NYAP2: variants seen among roughly 807,000 people sequenced by gnomAD.
NYAP2 encodes the protein neuronal tyrosine-phosphorylated phosphoinositide-3-kinase adaptor 2.
NYAP2 carries 23 observed loss-of-function variants against 50.4 expected under a neutral mutation model. The observed-to-expected ratio is 0.46, with a 90% CI of 0.33 to 0.65. The LOEUF (loss-of-function observed/expected upper bound fraction) is 0.65. NYAP2 is among the 30% of genes least tolerant of loss of function. NYAP2 has a pLI of 0.02. For synonymous variants in NYAP2, 394 were observed against 365.2 expected, an observed-to-expected ratio of 1.08 and a Z score of -0.90; for missense variants, 885 against 861.0, an observed-to-expected ratio of 1.03 and a Z score of -0.35.
rs191740910 is a variant in NYAP2 at position 225,476,209 on chromosome 2, G to C, written c.222-37162G>C. On this transcript the variant is annotated intron_variant, in intron 3 of 6. Transcript: ENST00000636099. ...CGGGCGGATCACGAGGTCAGGAGAT[G>C]GAGACCATCCTGGCTAACACGATGA... 2.4e-3 allele frequency among the ~76,000 whole-genome samples: 358 copies of C among 152,074 alleles called. 2 individuals carry two copies. The highest frequency in any genetic ancestry group is 8.1e-3 in the African/African-American group (338 of 41,474).
intron 4 of NYAP2, among the ~76,000 whole-genome samples, chr2:225,529,401 A>C (rs1246895873): frequency 1.3e-5 from 2 of 151,508 alleles, no homozygotes; most frequent in African/African-American, 4.9e-5. Context: ...TCTGCTCATC[A>C]CTGCAGCCTC....
At chr2:225,482,837 G>C (rs1380466014) in intron 3 of NYAP2, among the ~76,000 whole-genome samples, 1 of 152,084 alleles carries the variant, frequency 6.6e-6, no homozygotes, top group Non-Finnish European at 1.5e-5. Context: ...CAATCTTACT[G>C]CTAATGCAAA....
At chr2:225,676,823 AG>A in the NYAP2 span, among the ~76,000 whole-genome samples, 1 of 152,162 alleles carries the variant, frequency 6.6e-6, no homozygotes, top group Non-Finnish European at 1.5e-5. Flanking sequence ...CTTATAGTAT[AG>A]TTTGAAGTCA....
At position 225,591,112 on chromosome 2, in the gene NYAP2, C is replaced by T. The variant is rs542774564; in HGVS notation, c.1618+8077C>T. Among the ~76,000 whole-genome samples the T allele has an allele frequency of 5.1e-4, 77 of 152,280 alleles. 1 individual carries two copies. The highest frequency in any genetic ancestry group is 1.7e-3 in the African/African-American group (69 of 41,552). On this transcript the variant is annotated intron_variant, in intron 5 of 6. Transcript: ENST00000636099. ...TTTGGAGGGGGAGGACTAGCCAGAG[C>T]ATGGCGGGCCCTCCAGATGGAGCTG...
At chr2:225,512,671 T>G (rs1690841755) in intron 3 of NYAP2, among the ~76,000 whole-genome samples, 1 of 151,588 alleles carries the variant, frequency 6.6e-6, no homozygotes, top group African/African-American at 2.4e-5. Flanking sequence ...CATCTTTCTT[T>G]GCTTGTCTTG....
chr2:225,657,102 C>CTTTTTTTTTTTT (rs375126014), downstream of NYAP2, among the ~76,000 whole-genome samples: 1 of 101,074 alleles, frequency 9.9e-6, no homozygotes, highest in African/African-American at 4.4e-5. Flanking sequence ...AATCTAATTC[C>CTTTTTTTTTTTT]TTTTTTTTTT....
chr2:225,523,596 T>C (rs535169639), intron 4 of NYAP2, among the ~76,000 whole-genome samples: 21 of 152,248 alleles, frequency 1.4e-4, no homozygotes, highest in East Asian at 7.7e-4. Context: ...TCCATGTTTA[T>C]GGACTAGAAG....
chr2:225,465,553 A>G (rs1689902754), intron 3 of NYAP2, among the ~76,000 whole-genome samples: 1 of 152,064 alleles, frequency 6.6e-6, no homozygotes, highest in South Asian at 2.1e-4. Context: ...CGTCTCTACT[A>G]AAAATACAAA....
chr2:225,531,806 A>G (rs908212434), intron 4 of NYAP2, among the ~76,000 whole-genome samples: 5 of 152,206 alleles, frequency 3.3e-5, no homozygotes, highest in South Asian at 4.1e-4. Flanking sequence ...TGAATGATGT[A>G]AAAGATGAGA....
At chr2:225,627,401 A>G (rs1000659463) in intron 6 of NYAP2, among the ~76,000 whole-genome samples, 2 of 152,214 alleles carry the variant, frequency 1.3e-5, no homozygotes, top group African/African-American at 4.8e-5. Flanking sequence ...TTTATACTAA[A>G]TTTCTTCAAA....
chr2:225,494,234 A>G (rs1690460950), intron 3 of NYAP2, among the ~76,000 whole-genome samples: 1 of 152,222 alleles, frequency 6.6e-6, no homozygotes, highest in Admixed American at 6.5e-5. Flanking sequence ...TCACTGAGCA[A>G]GACAAATTAC....
chr2:225,574,353 G>A (rs917007360), intron 4 of NYAP2, among the ~76,000 whole-genome samples: 7 of 152,270 alleles, frequency 4.6e-5, no homozygotes, highest in African/African-American at 1.4e-4. Flanking sequence ...CAGAAGTTCA[G>A]TTAGACTCAT....
intron 3 of NYAP2, among the ~76,000 whole-genome samples, chr2:225,505,444 T>C (rs1476342948): frequency 6.6e-6 from 1 of 152,180 alleles, no homozygotes; most frequent in Admixed American, 6.5e-5. Context: ...TGAACACAGT[T>C]TAATTTTACT....
chr2:225,516,618 G>C (rs1332379210), intron 4 of NYAP2, among the ~76,000 whole-genome samples: 5 of 151,756 alleles, frequency 3.3e-5, no homozygotes, highest in African/African-American at 1.2e-4. Flanking sequence ...ACCAAGTTAT[G>C]ACCTCAATGA....
At chr2:225,412,624 C>T (rs1695065720) in intron 3 of NYAP2, among the ~76,000 whole-genome samples, 1 of 151,958 alleles carries the variant, frequency 6.6e-6, no homozygotes, top group Non-Finnish European at 1.5e-5. Context: ...TTGTGAAAAA[C>T]CATCAGAGCA....
intron 5 of NYAP2, among the ~76,000 whole-genome samples, chr2:225,606,985 G>T (rs1692797837): frequency 6.6e-6 from 1 of 152,042 alleles, no homozygotes; most frequent in African/African-American, 2.4e-5. Flanking sequence ...TCATTAATTA[G>T]TTAGAAAATC....
the NYAP2 span, among the ~76,000 whole-genome samples, chr2:225,674,700 T>C: frequency 1.3e-5 from 2 of 152,106 alleles, no homozygotes; most frequent in African/African-American, 4.8e-5. Context: ...TTGTCAAAAG[T>C]GGAATATATG....
chr2:225,562,826 G>T (rs183669436), intron 4 of NYAP2, among the ~76,000 whole-genome samples: 32 of 151,988 alleles, frequency 2.1e-4, no homozygotes, highest in Non-Finnish European at 1.6e-4. Context: ...TTGTTTTGTC[G>T]GTACCTAAAT....
Position 225,582,597 on chromosome 2 carries a change from G to C in NYAP2, c.1180G>C (p.Glu394Gln). 2 of 1,598,182 alleles carry C rather than the reference G, an allele frequency of 1.3e-6. No homozygotes were observed. The highest frequency in any genetic ancestry group is 1.7e-6 in the Non-Finnish European group (2 of 1,173,070). Residue 394 changes from glutamate (E) to glutamine (Q), a missense_variant, in exon 5 of 7, where the codon GAG (glutamate) becomes CAG (glutamine). Physicochemically the swap from Glu to Gln is conservative, Grantham distance 29. Transcript: ENST00000636099. The surrounding 1 kb of genome is among the most constrained non-coding windows in gnomAD (Gnocchi z 7.0). Reference sequence around the variant, plus strand: ...CCACGTCCCCGGCCATGCGAAACTGGAGAAAGAGCAGGCCGCGGCCCTGGG... The same window carrying C: ...CCACGTCCCCGGCCATGCGAAACTGCAGAAAGAGCAGGCCGCGGCCCTGGG...
Sources: gnomAD v4.1 joint callset for allele counts (sites outside exome capture counted in the v4.1 genomes callset) on GRCh38, gnomAD v4.1.1 for gene constraint, Gnocchi (gnomAD v3.1) non-coding constraint, MANE v1.5 for transcripts, NCBI Gene and HGNC (gene_info 2026-07-23, HGNC 2026-07-21) for gene names.